Variants in DDX19A observed in about 807,000 individuals in gnomAD.
DDX19A encodes the protein ATP-dependent RNA helicase DDX19A.
DDX19A carries 12 observed loss-of-function variants against 60.6 expected under a neutral mutation model. The ratio of observed to expected loss-of-function variants is 0.20; its 90% CI spans 0.13 to 0.32. The LOEUF (loss-of-function observed/expected upper bound fraction) is 0.32, where lower values mean the gene tolerates loss of function less well. Among genes scored for constraint, DDX19A ranks in the 10% least tolerant of loss-of-function variants. The pLI is 1.00. For synonymous variants in DDX19A, 206 were observed against 218.2 expected, an observed-to-expected ratio of 0.94 and a Z score of 0.49; for missense variants, 337 against 600.6, an observed-to-expected ratio of 0.56 and a Z score of 4.59.
At chr16:70,352,211 T>C (rs1033532746) in intron 2 of DDX19A, among the ~76,000 whole-genome samples, 1 of 152,004 alleles carries the variant, frequency 6.6e-6, no homozygotes, top group Non-Finnish European at 1.5e-5. Context: ...ATATATACAG[T>C]ATACTTACTT....
At chr16:70,350,887 ATTTAT>A (rs1318478475) in intron 2 of DDX19A, among the ~76,000 whole-genome samples, 9 of 149,588 alleles carry the variant, frequency 6.0e-5, no homozygotes, top group African/African-American at 2.2e-4. Flanking sequence ...TTATTTATTT[ATTTAT>A]TTTGAGACGG....
At chr16:70,354,824 C>T (rs1964132566) in intron 2 of DDX19A, among the ~76,000 whole-genome samples, 1 of 152,046 alleles carries the variant, frequency 6.6e-6, no homozygotes, top group Non-Finnish European at 1.5e-5. Context: ...TGGTGCATGC[C>T]TGTAGTGCTA....
At chr16:70,367,554 T>C (rs965335606) in intron 9 of DDX19A, among the ~76,000 whole-genome samples, 2 of 151,464 alleles carry the variant, frequency 1.3e-5, no homozygotes, top group Admixed American at 6.6e-5. Flanking sequence ...ATATTTAAGA[T>C]CTCTGAAGAA....
intron 2 of DDX19A, among the ~76,000 whole-genome samples, chr16:70,354,994 C>G (rs541478994): frequency 4.7e-5 from 7 of 150,294 alleles, no homozygotes; most frequent in Non-Finnish European, 1.0e-4. Flanking sequence ...AGAGGGAGAC[C>G]CTGTCTCAAA....
At chr16:70,354,798 A>T (rs1344778672) in intron 2 of DDX19A, among the ~76,000 whole-genome samples, 1 of 152,110 alleles carries the variant, frequency 6.6e-6, no homozygotes, top group African/African-American at 2.4e-5. Context: ...TTTTGTTTTA[A>T]ATTAGCTGGG....
chr16:70,350,583 G>A lies in DDX19A; in HGVS notation c.84G>A (p.Glu28=), dbSNP rs1567648558. The change falls in exon 2 of 12, where the codon GAG becomes GAA. Residue 28 remains glutamate (E), a synonymous_variant. Coordinates refer to ENST00000302243, the MANE Select transcript of DDX19A (RefSeq NM_018332.5). ...KSMTNLQIKE[E]KVKADTNGII... The stretch of plus-strand genomic sequence containing the variant: ...TGACCAATTTGCAGATCAAGGAAGA[G>A]AAAGTCAAAGCAGATACCAATGGTG... 1 of 1,612,552 alleles carries A rather than the reference G, an allele frequency of 6.2e-7. No individual in the cohort carries two copies.
intron 4 of DDX19A, among the ~76,000 whole-genome samples, chr16:70,357,078 C>T (rs1378713851): frequency 6.6e-6 from 1 of 150,916 alleles, no homozygotes; most frequent in Non-Finnish European, 1.5e-5. Flanking sequence ...GAAACCCTGT[C>T]TCCACTAAAA....
intron 2 of DDX19A, among the ~76,000 whole-genome samples, chr16:70,355,164 G>A (rs2151632483): frequency 6.6e-6 from 1 of 152,288 alleles, no homozygotes; most frequent in East Asian, 1.9e-4. Flanking sequence ...CTTGATCGAG[G>A]TCAGGAGTTC....
At chr16:70,368,760 T>C (rs1374694965) in intron 9 of DDX19A, among the ~76,000 whole-genome samples, 1 of 152,182 alleles carries the variant, frequency 6.6e-6, no homozygotes, top group East Asian at 1.9e-4. Flanking sequence ...AGTCAAGTTT[T>C]GCTTGTTGCA....
chr16:70,353,117 TTTTC>T (rs764568582), intron 2 of DDX19A, among the ~76,000 whole-genome samples: 27 of 149,062 alleles, frequency 1.8e-4, no homozygotes, highest in Non-Finnish European at 1.2e-4. Flanking sequence ...ATTTGCGATT[TTTTC>T]TTTCTTTCTT....
At chr16:70,364,984 T>A in intron 6 of DDX19A, 33 bp from the exon 7 acceptor site, 1 of 1,579,252 alleles carries the variant, frequency 6.3e-7, no homozygotes, top group Non-Finnish European at 8.7e-7. Context: ...CAAATGGCTC[T>A]CCTAAACTCA....
intron 9 of DDX19A, among the ~76,000 whole-genome samples, chr16:70,369,294 C>G (rs369321700): frequency 1.3e-5 from 2 of 151,554 alleles, no homozygotes; most frequent in South Asian, 4.2e-4. Flanking sequence ...ATTCTCCTCC[C>G]TCGGCTTCCT....
intron 7 of DDX19A, chr16:70,365,618 T>TAAA: frequency 5.8e-6 from 1 of 173,838 alleles, no homozygotes; most frequent in Non-Finnish European, 1.2e-5. Context: ...AGACAAAAAA[T>TAAA]AAAAAAAAAA....
At chr16:70,369,311 C>G (rs1243733446) in intron 9 of DDX19A, among the ~76,000 whole-genome samples, 1 of 150,616 alleles carries the variant, frequency 6.6e-6, no homozygotes, top group Non-Finnish European at 1.5e-5. Flanking sequence ...TCCTGAGTAG[C>G]TGAGATTACA....
chr16:70,351,287 C>T (rs2152223866), intron 2 of DDX19A, among the ~76,000 whole-genome samples: 1 of 151,828 alleles, frequency 6.6e-6, no homozygotes, highest in South Asian at 2.1e-4. Flanking sequence ...CTCACTGCAA[C>T]CTCTGCCACC....
intron 2 of DDX19A, among the ~76,000 whole-genome samples, chr16:70,353,949 A>G (rs1368486073): frequency 6.6e-6 from 1 of 150,514 alleles, no homozygotes; most frequent in East Asian, 1.9e-4. Context: ...CCCAGGCTGC[A>G]GTGCAGTGGC....
chr16:70,357,366 GTTTTTTTTTTTT>G (rs71151183), intron 4 of DDX19A, among the ~76,000 whole-genome samples: 185 of 44,506 alleles, frequency 4.2e-3, no homozygotes, highest in Admixed American at 6.3e-3. Context: ...TTTTTGGTTT[GTTTTTTTTTTTT>G]TTTTTTTTTT....
chr16:70,355,390 T>A (rs1964154275), intron 2 of DDX19A, 95 bp from the exon 3 acceptor site: 1 of 970,320 alleles, frequency 1.0e-6, no homozygotes, highest in African/African-American at 1.7e-5. Context: ...AATAAAAAAA[T>A]AAAATAAATT....
At chr16:70,359,178 A>G (rs1166052951) in intron 4 of DDX19A, among the ~76,000 whole-genome samples, 4 of 152,332 alleles carry the variant, frequency 2.6e-5, no homozygotes, top group African/African-American at 9.6e-5. Flanking sequence ...AAAATATTTG[A>G]GTTAATCTGC....
Sources: allele counts gnomAD v4.1 joint callset (sites outside exome capture counted in the v4.1 genomes callset), GRCh38; gene constraint gnomAD v4.1.1; transcripts MANE v1.5; gene names NCBI Gene and HGNC (gene_info 2026-07-23, HGNC 2026-07-21).